Variants in VSTM2L observed in about 807,000 individuals in gnomAD.
VSTM2L encodes the protein V-set and transmembrane domain containing 2 like, also known as V-set and transmembrane domain-containing protein 2-like protein.
VSTM2L carries 9 observed loss-of-function variants against 19.9 expected under a neutral mutation model. The ratio of observed to expected loss-of-function variants is 0.45; its 90% confidence interval spans 0.27 to 0.79. The LOEUF is 0.79. Among genes scored for constraint, VSTM2L ranks in the 30% least tolerant of loss-of-function variants. The probability of loss-of-function intolerance (pLI) is 0.15; values close to 1 mark genes in which losing one functional copy is unlikely to be tolerated. For missense variants in VSTM2L, 286 were observed against 295.5 expected, an observed-to-expected ratio of 0.97 and a Z score of 0.24; for synonymous variants, 127 against 133.8, an observed-to-expected ratio of 0.95 and a Z score of 0.35.
intron 3 of VSTM2L, among the ~76,000 whole-genome samples, chr20:37,942,889 T>C (rs941965950): frequency 3.9e-5 from 6 of 152,228 alleles, no homozygotes; most frequent in African/African-American, 1.4e-4. Flanking sequence ...GTGGAGTGAA[T>C]AGTTATTAGC....
At chr20:37,921,050 T>C (rs1054440092) in intron 1 of VSTM2L, among the ~76,000 whole-genome samples, 1 of 152,172 alleles carries the variant, frequency 6.6e-6, no homozygotes, top group African/African-American at 2.4e-5. Context: ...CAGACACCTG[T>C]CATATAACAT....
At chr20:37,904,342 C>T (rs989612443) in intron 1 of VSTM2L, among the ~76,000 whole-genome samples, 13 of 152,336 alleles carry the variant, frequency 8.5e-5, no homozygotes, top group Admixed American at 6.5e-4. Flanking sequence ...TCCTCATCCT[C>T]GGCCCTAGAG....
intron 1 of VSTM2L, among the ~76,000 whole-genome samples, chr20:37,925,947 C>T (rs1365675024): frequency 6.6e-6 from 1 of 152,248 alleles, no homozygotes; most frequent in Non-Finnish European, 1.5e-5. Context: ...CGATTGCCTC[C>T]AGCTGGGTGA....
intron 1 of VSTM2L, among the ~76,000 whole-genome samples, chr20:37,905,491 C>T (rs1169515964): frequency 6.6e-6 from 1 of 152,218 alleles, no homozygotes; most frequent in African/African-American, 2.4e-5. Context: ...CAGCTGTAAT[C>T]TCCCCTCTGC....
intron 1 of VSTM2L, among the ~76,000 whole-genome samples, chr20:37,918,231 G>A (rs1016555127): frequency 1.3e-4 from 20 of 152,190 alleles, no homozygotes; most frequent in African/African-American, 3.6e-4. Flanking sequence ...GCAGGAGCAA[G>A]GCTTGGAGGT....
chr20:37,916,196 G>A (rs2072817544), intron 1 of VSTM2L, among the ~76,000 whole-genome samples: 1 of 152,210 alleles, frequency 6.6e-6, no homozygotes, highest in African/African-American at 2.4e-5. Context: ...TCCGTGCAAT[G>A]GGCTCACCCC....
intron 3 of VSTM2L, among the ~76,000 whole-genome samples, chr20:37,942,649 G>C (rs1341757668): frequency 6.6e-6 from 1 of 152,218 alleles, no homozygotes; most frequent in Non-Finnish European, 1.5e-5. Context: ...CCCCAGAGGG[G>C]GAGTATTGCT....
chr20:37,941,575 G>T (rs1271880004), intron 3 of VSTM2L, among the ~76,000 whole-genome samples: 2 of 152,216 alleles, frequency 1.3e-5, no homozygotes, highest in African/African-American at 2.4e-5. Context: ...CACTGCAGGG[G>T]TGACCAGCAG....
At chr20:37,939,601 C>A (rs2072960131) in intron 3 of VSTM2L, among the ~76,000 whole-genome samples, 1 of 152,106 alleles carries the variant, frequency 6.6e-6, no homozygotes, top group African/African-American at 2.4e-5. Context: ...GCATGGACCA[C>A]AGGGACTGGG....
rs1157509092 is a variant in VSTM2L, at chr20:37,934,529, G to C, written c.342+940G>C. On this transcript the variant is annotated intron_variant, in intron 3 of 3. Transcript: ENST00000373461. ...TATGAATGTGCGTGTGTGCGTGCATGCTTGTGTGTTTGTGTGTCCTCGCAT... is the reference window on the plus strand; with the variant it reads ...TATGAATGTGCGTGTGTGCGTGCATCCTTGTGTGTTTGTGTGTCCTCGCAT... 2.0e-5 allele frequency among the ~76,000 whole-genome samples: 3 copies of C among 152,244 alleles called. No homozygotes were observed. The South Asian group carries it at 6.2e-4, about 32-fold the overall frequency.
intron 1 of VSTM2L, among the ~76,000 whole-genome samples, chr20:37,906,751 C>G (rs368265304): frequency 7.9e-5 from 12 of 152,210 alleles, no homozygotes; most frequent in Non-Finnish European, 1.6e-4. Flanking sequence ...TTCTTGTAGC[C>G]GTAACCCAAG....
intron 3 of VSTM2L, among the ~76,000 whole-genome samples, chr20:37,942,111 T>C (rs886090528): frequency 1.6e-4 from 25 of 152,158 alleles, no homozygotes; most frequent in African/African-American, 5.8e-4. Context: ...GGAAATCACA[T>C]AAATGTCCAT....
chr20:37,931,266 C>T (rs1411024575), intron 1 of VSTM2L, among the ~76,000 whole-genome samples: 1 of 152,184 alleles, frequency 6.6e-6, no homozygotes, highest in East Asian at 1.9e-4. Flanking sequence ...CTGGAAGAAC[C>T]TGGAAGAGCT....
At chr20:37,927,850 G>T (rs1369663820) in intron 1 of VSTM2L, among the ~76,000 whole-genome samples, 1 of 152,212 alleles carries the variant, frequency 6.6e-6, no homozygotes. Context: ...ATTGTCTCCC[G>T]TGCCCCCGCC....
chr20:37,917,681 T>C (rs988837593), intron 1 of VSTM2L, among the ~76,000 whole-genome samples: 3 of 152,328 alleles, frequency 2.0e-5, no homozygotes, highest in South Asian at 4.1e-4. Flanking sequence ...CCCCTCGCCC[T>C]AGTGCCCGAC....
In VSTM2L at chr20:37,903,429, C is replaced by T; in HGVS notation, c.79C>T (p.Pro27Ser). 2 of 1,488,184 alleles carry T rather than the reference C, an allele frequency of 1.3e-6. No homozygotes were observed. The highest frequency in any genetic ancestry group is 1.8e-6 in the Non-Finnish European group (2 of 1,125,584). 92.2% of individuals were successfully genotyped at this position (1,488,184 alleles called of 1,614,324 possible). A position where few individuals can be genotyped will look rare whatever the true frequency, so the allele number is the denominator to read the frequency against. ...CCTGCAACTCGGCGGCGCCACGCGG[C>T]CCGCCGGCCACGCGCCCTGGGACAA... ...LFLQLGGATR[P>S]AGHAPWDNHV... Residue 27 changes from proline (P) to serine (S), a missense_variant, in exon 1 of 4, where the codon CCC becomes TCC. Pro to Ser is a moderately conservative substitution (Grantham distance 74). Transcript: ENST00000373461.
intron 1 of VSTM2L, among the ~76,000 whole-genome samples, chr20:37,912,387 G>A (rs531429297): frequency 9.8e-5 from 15 of 152,368 alleles, no homozygotes; most frequent in East Asian, 7.7e-4. Flanking sequence ...TAGGCTCTGC[G>A]TCTGGGTCCA....
intron 1 of VSTM2L, among the ~76,000 whole-genome samples, chr20:37,924,281 G>C (rs989141740): frequency 6.6e-6 from 1 of 151,756 alleles, no homozygotes; most frequent in Non-Finnish European, 1.5e-5. Context: ...GGCCAGGCGC[G>C]ATGGCTCATG....
intron 1 of VSTM2L, among the ~76,000 whole-genome samples, chr20:37,917,991 C>T (rs1276379092): frequency 6.6e-6 from 1 of 152,172 alleles, no homozygotes; most frequent in East Asian, 1.9e-4. Flanking sequence ...GGAGTGAAGT[C>T]AATGCCTCAG....
Sources: gnomAD v4.1 joint callset for allele counts (sites outside exome capture counted in the v4.1 genomes callset) on GRCh38, gnomAD v4.1.1 for gene constraint, MANE v1.5 for transcripts, NCBI Gene and HGNC (gene_info 2026-07-23, HGNC 2026-07-21) for gene names.